The following ACOT7 variants were observed in gnomAD, a reference collection of about 807,000 sequenced individuals.
ACOT7 encodes cytosolic acyl coenzyme A thioester hydrolase.
A neutral mutation model predicts 40.2 loss-of-function variants in ACOT7; 12 were observed. The observed-to-expected ratio is 0.30, with a 90% CI of 0.19 to 0.48. ACOT7 has a LOEUF of 0.48. ACOT7 is among the 20% of genes least tolerant of loss of function. ACOT7 has a pLI of 0.99. For synonymous variants in ACOT7, 228 were observed against 219.5 expected (o/e 1.04, Z -0.34); for missense variants, 395 against 530.8 (o/e 0.74, Z 2.51).
intron 2 of ACOT7, among the ~76,000 whole-genome samples, chr1:6,345,901 C>T (rs932539178): frequency 5.3e-5 from 8 of 152,146 alleles, no homozygotes; most frequent in Non-Finnish European, 7.4e-5. Context: ...CTCTCCATGA[C>T]GGTTGACGGT....
chr1:6,313,660 G>C (rs943027712), intron 6 of ACOT7, among the ~76,000 whole-genome samples: 61 of 152,340 alleles, frequency 4.0e-4, no homozygotes, highest in African/African-American at 1.4e-3. Context: ...CCACCCCTTT[G>C]GGGCTGGACG....
chr1:6,387,934 G>GTTTTTTTTTTT (rs557741543), intron 1 of ACOT7, among the ~76,000 whole-genome samples: 1 of 139,154 alleles, frequency 7.2e-6, no homozygotes, highest in African/African-American at 2.6e-5. Context: ...CAGGTTCTTT[G>GTTTTTTTTTTT]TTTTTTTTTT....
At position 6,339,552 on chromosome 1, in the gene ACOT7, G is replaced by C; in HGVS notation, c.299C>G (p.Thr100Ser). 1 of 1,613,544 alleles carries C rather than the reference G, an allele frequency of 6.2e-7. No homozygotes were observed. Among genetic ancestry groups the C allele is most frequent in the Non-Finnish European group, 8.5e-7 (1 of 1,180,004 alleles). The change falls in exon 3 of 9, where the codon ACC becomes AGC. Residue 100 changes from threonine (T) to serine (S), a missense_variant. Thr to Ser is a moderately conservative substitution (Grantham distance 58, BLOSUM62 1). This residue lies in a region of ACOT7 where 309 missense variants were observed against 470.3 expected (regional missense o/e 0.66). Coordinates refer to ENST00000361521, the MANE Select transcript of ACOT7 (RefSeq NM_007274.4). ...GATGCACATGGGAGACAGGAAGTCG[G>C]TGCGCTCGACACGAGCCAGGGCGGC... is the stretch of plus-strand genomic sequence containing the variant. Reference protein sequence around the residue: ...CVAALARVERTDFLSPMCIGE... With the variant: ...CVAALARVERSDFLSPMCIGE...
chr1:6,389,812 C>A (rs1344412911), intron 1 of ACOT7, among the ~76,000 whole-genome samples: 2 of 151,734 alleles, frequency 1.3e-5, no homozygotes, highest in African/African-American at 2.4e-5. Flanking sequence ...AAGCCCCTAT[C>A]CCTTCAACAA....
chr1:6,340,258 G>A (rs550009462), intron 2 of ACOT7, among the ~76,000 whole-genome samples: 6 of 152,086 alleles, frequency 3.9e-5, no homozygotes, highest in African/African-American at 1.4e-4. Context: ...GAGCCACCGC[G>A]CCCGGCCTAG....
At chr1:6,295,538 A>G (rs1639789609) in intron 6 of ACOT7, 1 of 152,660 alleles carries the variant, frequency 6.6e-6, no homozygotes, top group Non-Finnish European at 1.5e-5. Flanking sequence ...GCAGCCAAAA[A>G]GTGGAAACAA....
At chr1:6,339,738 G>GTTT in intron 2 of ACOT7, 149 bp from the exon 3 acceptor site, 8 of 762,282 alleles carry the variant, frequency 1.0e-5, no homozygotes, top group Non-Finnish European at 1.3e-5. Flanking sequence ...TTGGCACCGC[G>GTTT]GTTTTTTTTT....
At chr1:6,305,253 C>T (rs559541461) in intron 6 of ACOT7, among the ~76,000 whole-genome samples, 146 of 145,068 alleles carry the variant, frequency 1.0e-3, no homozygotes, top group African/African-American at 3.5e-3. Context: ...GGGGGGCTGA[C>T]CCCCCCACCT....
chr1:6,278,549 T>C lies in ACOT7; in HGVS notation c.1014+2553A>G, dbSNP rs1465954103. Among the ~76,000 whole-genome samples, 1 of 152,122 alleles carries C rather than the reference T, an allele frequency of 6.6e-6. No individual in the cohort carries two copies. Among genetic ancestry groups the C allele is most frequent in the Non-Finnish European group, 1.5e-5 (1 of 68,016 alleles). ...AGCACAGAGGCGGAGAGGGATTTTT[T>C]TGCGGGTGTGATAATGAGTTCCATT... On this transcript the variant is annotated intron_variant, in intron 8 of 8. Coordinates refer to ENST00000361521, the MANE Select transcript of ACOT7 (RefSeq NM_007274.4). The surrounding 1 kb of genome is among the most constrained non-coding windows in gnomAD (Gnocchi z 4.1).
chr1:6,330,157 T>C lies in ACOT7; in HGVS notation c.511-2744A>G, dbSNP rs908480109. Among the ~76,000 whole-genome samples, 1 of 152,224 alleles carries C rather than the reference T, an allele frequency of 6.6e-6. No homozygotes were observed. The highest frequency in any genetic ancestry group is 1.5e-5 in the Non-Finnish European group (1 of 68,042). The stretch of plus-strand genomic sequence containing the variant: ...TGTGTATATATAATATATATCTGTA[T>C]ATCTATACATACAGGGACGTACATT... On this transcript the variant is annotated intron_variant, in intron 4 of 8. Coordinates refer to ENST00000361521, the MANE Select transcript of ACOT7 (RefSeq NM_007274.4). The surrounding 1 kb of genome is among the most constrained non-coding windows in gnomAD (Gnocchi z 4.6).
At chr1:6,324,541 A>G (rs1409571412) in intron 5 of ACOT7, among the ~76,000 whole-genome samples, 3 of 152,214 alleles carry the variant, frequency 2.0e-5, no homozygotes, top group Non-Finnish European at 2.9e-5. Context: ...CCTGAGGATC[A>G]GTTAAAGGCA....
intron 6 of ACOT7, among the ~76,000 whole-genome samples, chr1:6,312,422 C>T (rs568453453): frequency 2.0e-5 from 3 of 150,224 alleles, no homozygotes; most frequent in South Asian, 4.2e-4. Flanking sequence ...TCTTTCTTTC[C>T]CTCCCTCCCT....
At chr1:6,388,103 G>C (rs995577029) in intron 1 of ACOT7, among the ~76,000 whole-genome samples, 4 of 150,318 alleles carry the variant, frequency 2.7e-5, no homozygotes, top group Admixed American at 2.7e-4. Context: ...ACTACGCCCA[G>C]CTAACTTTTT....
In ACOT7 at chr1:6,294,979, A is replaced by G. The variant is rs1387316173; in HGVS notation, c.714T>C (p.Gly238=). Reference sequence around the variant, plus strand: ...CCTCATCCATGAGCTTCATGGTCACACCTGCGGAGAAAGGGACATGCGGCA... The same window carrying G: ...CCTCATCCATGAGCTTCATGGTCACGCCTGCGGAGAAAGGGACATGCGGCA... ...DCTLHGFVHG[G]VTMKLMDEVA... The change falls in exon 7 of 9, where the codon GGT becomes GGC. Residue 238 remains glycine, a splice_region_variant and synonymous_variant. Coordinates refer to ENST00000361521, the MANE Select transcript of ACOT7 (RefSeq NM_007274.4). The surrounding 1 kb of genome is among the most constrained non-coding windows in gnomAD (Gnocchi z 4.6). 4 of 1,609,852 alleles carry G rather than the reference A, an allele frequency of 2.5e-6. No homozygotes were observed. The highest frequency in any genetic ancestry group is 2.5e-6 in the Non-Finnish European group (3 of 1,176,510).
Position 6,338,020 on chromosome 1 carries a change from A to G in ACOT7, c.418+1413T>C, listed in dbSNP as rs943357379. The stretch of plus-strand genomic sequence containing the variant: ...CATCTCAAAAAAAAAAAAAAAAAAA[A>G]AAAGAAACCTGCTCTTCAGGGCTTC... On this transcript the variant is annotated intron_variant, in intron 3 of 8. Coordinates refer to ENST00000361521, the MANE Select transcript of ACOT7 (RefSeq NM_007274.4). The surrounding 1 kb of genome is among the most constrained non-coding windows in gnomAD (Gnocchi z 4.4). Among the ~76,000 whole-genome samples the G allele has an allele frequency of 1.1e-4, 16 of 150,982 alleles. No homozygotes were observed. Among genetic ancestry groups the G allele is most frequent in the Non-Finnish European group, 1.3e-4 (9 of 67,742 alleles).
intron 6 of ACOT7, among the ~76,000 whole-genome samples, chr1:6,317,954 A>T (rs536045302): frequency 6.6e-6 from 1 of 151,160 alleles, no homozygotes; most frequent in African/African-American, 2.4e-5. Flanking sequence ...CCGGTCTTGA[A>T]CTCCTGACCT....
intron 7 of ACOT7, among the ~76,000 whole-genome samples, chr1:6,287,207 A>G (rs545404121): frequency 6.6e-6 from 1 of 152,242 alleles, no homozygotes; most frequent in African/African-American, 2.4e-5. Flanking sequence ...CATGTAATCA[A>G]TGAGGGTCAA....
intron 5 of ACOT7, among the ~76,000 whole-genome samples, chr1:6,320,485 G>T (rs1192043408): frequency 6.6e-6 from 1 of 152,212 alleles, no homozygotes; most frequent in Non-Finnish European, 1.5e-5. Flanking sequence ...AAATGTTGGA[G>T]ATGCGGGGAT....
intron 1 of ACOT7, among the ~76,000 whole-genome samples, chr1:6,376,331 G>A (rs1642231448): frequency 6.6e-6 from 1 of 152,126 alleles, no homozygotes; most frequent in African/African-American, 2.4e-5. Flanking sequence ...TACTAGGGAG[G>A]CTGAGGTAGG....
Sources: allele counts gnomAD v4.1 joint callset (sites outside exome capture counted in the v4.1 genomes callset), GRCh38; gene constraint gnomAD v4.1.1; regional missense constraint gnomAD v4.1.1; non-coding constraint Gnocchi (gnomAD v3.1); transcripts MANE v1.5; gene names NCBI Gene and HGNC (gene_info 2026-07-23, HGNC 2026-07-21).